Variants in CSMD1 observed in about 807,000 individuals in gnomAD.
The protein encoded by CSMD1 is CUB and sushi domain-containing protein 1.
In CSMD1, 213 loss-of-function variants were observed where a neutral mutation model predicts 417.5. The ratio of observed to expected loss-of-function variants is 0.51; its 90% CI spans 0.46 to 0.57. CSMD1 has a LOEUF of 0.57. CSMD1 is among the 20% of genes least tolerant of loss of function. The pLI is 0.00. For missense variants in CSMD1, 6,923 were observed against 4,529.7 expected (o/e 1.53, Z -15.17); for synonymous variants, 2,862 against 1,736.8 (o/e 1.65, Z -16.11).
chr8:4,488,865 C>A (rs889460456), intron 2 of CSMD1, among the ~76,000 whole-genome samples: 1 of 152,172 alleles, frequency 6.6e-6, no homozygotes, highest in East Asian at 1.9e-4. Flanking sequence ...TATGATAAAA[C>A]GACAGAAATC....
rs759268228 is a variant in CSMD1, at chr8:4,530,314, C to CTTTTTTTTTTTTTTTTTTT, written c.302+107009_302+107027dup. 4.5e-4 allele frequency among the ~76,000 whole-genome samples: 21 copies of CTTTTTTTTTTTTTTTTTTT among 46,686 alleles called. 3 individuals are homozygous for CTTTTTTTTTTTTTTTTTTT. The highest frequency in any genetic ancestry group is 2.8e-3 in the South Asian group (2 of 706). 30.6% of individuals were successfully genotyped at this position (46,686 alleles called of 152,430 possible). ...TTCACAGTTTATCGTACAGGTAGTG[C>CTTTTTTTTTTTTTTTTTTT]TTTTTTTTTTTTTTTTTTTTTTTTT... On this transcript the variant is annotated intron_variant, in intron 2 of 69. Coordinates refer to ENST00000635120, the MANE Select transcript of CSMD1 (RefSeq NM_033225.6).
intron 5 of CSMD1, among the ~76,000 whole-genome samples, chr8:3,830,011 G>A (rs1046763806): frequency 1.3e-5 from 2 of 152,080 alleles, no homozygotes; most frequent in African/African-American, 2.4e-5. Flanking sequence ...TTGTTAACAA[G>A]GTAAGTGGAT....
chr8:3,666,080 G>C (rs988404907), intron 7 of CSMD1, among the ~76,000 whole-genome samples: 1 of 152,152 alleles, frequency 6.6e-6, no homozygotes, highest in African/African-American at 2.4e-5. Context: ...ATCTGTAGTA[G>C]AGACAGTGTT....
chr8:4,363,176 A>T (rs1205728973), intron 3 of CSMD1, among the ~76,000 whole-genome samples: 1 of 152,202 alleles, frequency 6.6e-6, no homozygotes, highest in East Asian at 1.9e-4. Flanking sequence ...AAACAGGCTT[A>T]AACAGGAAAT....
At chr8:3,021,612 G>C (rs1411181672) in intron 51 of CSMD1, among the ~76,000 whole-genome samples, 5 of 152,160 alleles carry the variant, frequency 3.3e-5, no homozygotes, top group Admixed American at 2.0e-4. Flanking sequence ...AAAGACACTT[G>C]GCTGACAGCA....
chr8:3,167,772 C>T lies in CSMD1; in HGVS notation c.5726-5495G>A, dbSNP rs370713856. Among the ~76,000 whole-genome samples, 35 of 152,268 alleles carry T rather than the reference C, an allele frequency of 2.3e-4. 1 individual carries two copies. In the South Asian group the frequency reaches 6.4e-3, roughly 28 times the overall value. ...GCTTCACCTACCACTGATCATAAAACGTGAGCATTAAGAATCAGAATATAA... is the reference window on the plus strand; with the variant it reads ...GCTTCACCTACCACTGATCATAAAATGTGAGCATTAAGAATCAGAATATAA... On this transcript the variant is annotated intron_variant, in intron 37 of 69. Transcript: ENST00000635120.
intron 5 of CSMD1, among the ~76,000 whole-genome samples, chr8:3,977,988 T>A (rs1443479302): frequency 6.6e-6 from 1 of 152,190 alleles, no homozygotes; most frequent in Admixed American, 6.5e-5. Flanking sequence ...GCTCTTACCA[T>A]GAGAGCATCT....
intron 1 of CSMD1, among the ~76,000 whole-genome samples, chr8:4,917,203 C>G (rs1806124214): frequency 6.6e-6 from 1 of 152,144 alleles, no homozygotes; most frequent in Non-Finnish European, 1.5e-5. Context: ...GTGCTACACA[C>G]TTTAAAATAA....
At chr8:3,072,177 C>A (rs1325286769) in intron 49 of CSMD1, among the ~76,000 whole-genome samples, 1 of 152,196 alleles carries the variant, frequency 6.6e-6, no homozygotes, top group African/African-American at 2.4e-5. Flanking sequence ...GAGTCTATGT[C>A]TGCACAGATT....
chr8:3,417,031 G>T (rs552859537), intron 12 of CSMD1, among the ~76,000 whole-genome samples: 4 of 152,312 alleles, frequency 2.6e-5, no homozygotes, highest in African/African-American at 9.6e-5. Flanking sequence ...TAGTGAGAAT[G>T]ATTTACCAAG....
intron 2 of CSMD1, among the ~76,000 whole-genome samples, chr8:4,484,908 G>T (rs565760462): frequency 2.9e-5 from 4 of 139,800 alleles, no homozygotes; most frequent in Non-Finnish European, 6.0e-5. Flanking sequence ...GGGAGGCAGA[G>T]GTTGCAGTGA....
Position 4,457,393 on chromosome 8 carries a change from G to T in CSMD1, c.303-37328C>A, listed in dbSNP as rs1343865651. Among the ~76,000 whole-genome samples, 4 of 152,246 alleles carry T rather than the reference G, an allele frequency of 2.6e-5. No individual in the cohort carries two copies. The East Asian group carries it at 7.8e-4, about 30-fold the overall frequency. The stretch of plus-strand genomic sequence containing the variant: ...TGGGGCTTCCCGAGGTCTGGAACAG[G>T]AAGGGAATGTTTACTAAACTCAGGG... On this transcript the variant is annotated intron_variant, in intron 2 of 69. Transcript: ENST00000635120.
At chr8:4,259,567 C>G (rs2128839727) in intron 3 of CSMD1, among the ~76,000 whole-genome samples, 1 of 151,636 alleles carries the variant, frequency 6.6e-6, no homozygotes, top group South Asian at 2.1e-4. Context: ...CAAAGTAATA[C>G]TCTGTTACCG....
At chr8:4,254,870 G>C (rs1448002537) in intron 3 of CSMD1, among the ~76,000 whole-genome samples, 1 of 152,082 alleles carries the variant, frequency 6.6e-6, no homozygotes, top group Non-Finnish European at 1.5e-5. Flanking sequence ...ATTCTGTGTT[G>C]TTCACACAAA....
At chr8:4,759,944 G>C (rs949136686) in intron 1 of CSMD1, among the ~76,000 whole-genome samples, 1 of 152,148 alleles carries the variant, frequency 6.6e-6, no homozygotes, top group Admixed American at 6.5e-5. Flanking sequence ...GGAATTACTA[G>C]GTCAAAGGGT....
chr8:3,570,607 G>A (rs76263351), intron 10 of CSMD1, among the ~76,000 whole-genome samples: 1 of 152,088 alleles, frequency 6.6e-6, no homozygotes, highest in African/African-American at 2.4e-5. Flanking sequence ...ATGCTATCAC[G>A]GAGCTACTGA....
chr8:4,650,321 G>A (rs572084976), intron 1 of CSMD1, among the ~76,000 whole-genome samples: 2 of 141,228 alleles, frequency 1.4e-5, no homozygotes, highest in Admixed American at 7.2e-5. Context: ...CTCCAGCCTG[G>A]GCAGCAGTAC....
intron 3 of CSMD1, among the ~76,000 whole-genome samples, chr8:4,183,389 G>C (rs1296855740): frequency 1.3e-5 from 2 of 152,166 alleles, no homozygotes; most frequent in Non-Finnish European, 2.9e-5. Flanking sequence ...CAATAAGGAA[G>C]CTGATGTAAA....
chr8:4,599,877 A>T (rs1800491969), intron 2 of CSMD1, among the ~76,000 whole-genome samples: 1 of 152,216 alleles, frequency 6.6e-6, no homozygotes, highest in African/African-American at 2.4e-5. Flanking sequence ...AGTTACATTC[A>T]AAGAGTTTTT....
Sources: allele counts gnomAD v4.1 joint callset (sites outside exome capture counted in the v4.1 genomes callset), GRCh38; gene constraint gnomAD v4.1.1; transcripts MANE v1.5; gene names NCBI Gene and HGNC (gene_info 2026-07-23, HGNC 2026-07-21).